SLC4A5: variants seen among roughly 807,000 people sequenced by gnomAD.
The protein encoded by SLC4A5 is electrogenic sodium bicarbonate cotransporter 4.
Under a neutral mutation model 120.4 loss-of-function variants are expected in SLC4A5, and 96 were observed. The ratio of observed to expected loss-of-function variants is 0.80; its 90% CI spans 0.68 to 0.94. The LOEUF (loss-of-function observed/expected upper bound fraction) is 0.94. Ranked by LOEUF, SLC4A5 falls within the 40% of genes least tolerant of loss-of-function variation. The pLI, the probability that SLC4A5 is intolerant of heterozygous loss-of-function variation, is 0.00. For synonymous variants in SLC4A5, 550 were observed against 571.1 expected, an observed-to-expected ratio of 0.96 and a Z score of 0.53; for missense variants, 1,259 against 1,459.5, an observed-to-expected ratio of 0.86 and a Z score of 2.24.
exon 21 of SLC4A5, chr2:74,239,469 C>A: frequency 1.2e-6 from 2 of 1,614,022 alleles, no homozygotes; most frequent in South Asian, 2.2e-5. Flanking sequence ...AGGCGCCCGC[C>A]GTAGCTCAGA....
intron 7 of SLC4A5, among the ~76,000 whole-genome samples, chr2:74,301,699 G>A (rs1180835256): frequency 6.6e-6 from 1 of 152,218 alleles, no homozygotes; most frequent in Non-Finnish European, 1.5e-5. Flanking sequence ...GCAAGAGCAA[G>A]GTTTATATCT....
chr2:74,338,362 C>T (rs1180985266), intron 3 of SLC4A5, among the ~76,000 whole-genome samples: 1 of 152,082 alleles, frequency 6.6e-6, no homozygotes, highest in Admixed American at 6.5e-5. Flanking sequence ...AAATCAGCAC[C>T]ACAATGAAAT....
At chr2:74,301,425 C>T (rs1473874450) in intron 7 of SLC4A5, among the ~76,000 whole-genome samples, 2 of 152,228 alleles carry the variant, frequency 1.3e-5, no homozygotes, top group Non-Finnish European at 2.9e-5. Flanking sequence ...CCAGGCCCCT[C>T]ATACTCTGCA....
chr2:74,293,368 T>G (rs1306177649), intron 7 of SLC4A5, among the ~76,000 whole-genome samples: 1 of 152,144 alleles, frequency 6.6e-6, no homozygotes, highest in Non-Finnish European at 1.5e-5. Context: ...CCTCCTCCCA[T>G]AAGGATGACC....
At chr2:74,291,212 C>A (rs1306737300) in intron 7 of SLC4A5, among the ~76,000 whole-genome samples, 1 of 152,208 alleles carries the variant, frequency 6.6e-6, no homozygotes, top group Non-Finnish European at 1.5e-5. Context: ...TTCTGAGAGC[C>A]CACGGACAGT....
chr2:74,235,258 C>G (rs1187009871), intron 21 of SLC4A5, 44 bp from the exon 22 acceptor site: 1 of 1,483,598 alleles, frequency 6.7e-7, no homozygotes, highest in African/African-American at 1.4e-5. Flanking sequence ...AGTAAAGCAC[C>G]CACCCAGCTC....
In SLC4A5 at chr2:74,227,056, C is replaced by G. The variant is rs754177091; in HGVS notation, c.2991G>C (p.Pro997=). The G allele has an allele frequency of 1.9e-6, 3 of 1,614,132 alleles. No individual in the cohort carries two copies. The Admixed American group carries it at 5.0e-5, about 27-fold the overall frequency. The change falls in exon 27 of 31, where the codon CCG becomes CCC. Residue 997 remains proline, a synonymous_variant. Transcript: ENST00000394019. ...GGGTGAAGAGGTGGATCCGGCGCAG[C>G]GGCACGTGCCGCAGGAAGGCATGGT...
At chr2:74,228,749 TC>T (rs1694945273) in intron 25 of SLC4A5, among the ~76,000 whole-genome samples, 1 of 143,692 alleles carries the variant, frequency 7.0e-6, no homozygotes, top group Non-Finnish European at 1.5e-5. Context: ...TGTAAACTAA[TC>T]AGCACTCATC....
intron 6 of SLC4A5, among the ~76,000 whole-genome samples, chr2:74,313,904 G>A (rs949553821): frequency 3.3e-5 from 5 of 152,144 alleles, no homozygotes; most frequent in Non-Finnish European, 4.4e-5. Context: ...GCTGCCCTAG[G>A]TGCTCCCTGG....
intron 6 of SLC4A5, chr2:74,307,146 G>A (rs778358392): frequency 5.4e-6 from 3 of 558,844 alleles, no homozygotes; most frequent in Non-Finnish European, 1.0e-5. Context: ...CATCTCAGCA[G>A]CTCCAACCTT....
chr2:74,325,742 C>G (rs1673201212), intron 5 of SLC4A5, among the ~76,000 whole-genome samples: 1 of 151,712 alleles, frequency 6.6e-6, no homozygotes, highest in Admixed American at 6.6e-5. Flanking sequence ...TAAATGAAGA[C>G]TAAGAGTTAA....
chr2:74,290,718 G>A lies in SLC4A5; in HGVS notation c.272-4816C>T, dbSNP rs1421411420. The A allele has an allele frequency of 3.0e-6, 3 of 985,302 alleles. No homozygotes were observed. In the East Asian group the frequency reaches 3.4e-4, roughly 112 times the overall value. 61.0% of individuals were successfully genotyped at this position (985,302 alleles called of 1,614,324 possible). On this transcript the variant is annotated intron_variant, in intron 7 of 30. Transcript: ENST00000394019. Reference sequence around the variant, plus strand: ...TCTCAGGTGCACTAGAGAGAGAAAGGCTCAGTGGCTGCAGCAGAACCTCAA... The same window carrying A: ...TCTCAGGTGCACTAGAGAGAGAAAGACTCAGTGGCTGCAGCAGAACCTCAA...
At chr2:74,251,538 C>T (rs952439360) in intron 16 of SLC4A5, among the ~76,000 whole-genome samples, 2 of 152,088 alleles carry the variant, frequency 1.3e-5, no homozygotes, top group Admixed American at 1.3e-4. Flanking sequence ...AGTTGTGTCC[C>T]CCCAAAAGAT....
intron 6 of SLC4A5, among the ~76,000 whole-genome samples, chr2:74,309,080 ATT>A (rs112753220): frequency 6.9e-6 from 1 of 144,320 alleles, no homozygotes. Flanking sequence ...ACACCCAGCT[ATT>A]TTTTTTTTTT....
At chr2:74,228,030 G>GTT (rs1694912436) in intron 25 of SLC4A5, 152 bp from the exon 26 acceptor site, 1 of 603,878 alleles carries the variant, frequency 1.7e-6, no homozygotes, top group Non-Finnish European at 2.9e-6. Context: ...TGTGGGCAGG[G>GTT]GTGAAGATGA....
chr2:74,256,861 G>A (rs1349703642), intron 12 of SLC4A5, among the ~76,000 whole-genome samples: 3 of 152,196 alleles, frequency 2.0e-5, no homozygotes, highest in Admixed American at 2.0e-4. Context: ...GGGAGCAGTT[G>A]GGGTAGCGGC....
In SLC4A5 at chr2:74,285,915, GGCA is replaced by G; in HGVS notation, c.272-16_272-14del. ...GCAGCTGGGGACCCTGCAAAAGAGG[GGCA>G]GCAGGTCTGCTGAGTGTCCCATGGA... is the stretch of plus-strand genomic sequence containing the variant. On this transcript the variant is annotated splice_polypyrimidine_tract_variant and intron_variant, in intron 7 of 30. Transcript: ENST00000394019. The G allele has an allele frequency of 1.9e-6, 3 of 1,581,930 alleles. No homozygotes were observed. Among genetic ancestry groups the G allele is most frequent in the Non-Finnish European group, 2.6e-6 (3 of 1,163,616 alleles).
chr2:74,250,450 C>T, exon 17 of SLC4A5: 1 of 1,614,206 alleles, frequency 6.2e-7, no homozygotes, highest in Non-Finnish European at 8.5e-7. Flanking sequence ...ATGTGGAAGC[C>T]ATCATAGAAG....
At chr2:74,282,366 G>A (rs1275104743) in intron 8 of SLC4A5, among the ~76,000 whole-genome samples, 2 of 152,230 alleles carry the variant, frequency 1.3e-5, no homozygotes. Context: ...TCCTCTTTGG[G>A]ATCTGCCTAG....
Sources: gnomAD v4.1 joint callset for allele counts (sites outside exome capture counted in the v4.1 genomes callset) on GRCh38, gnomAD v4.1.1 for gene constraint, MANE v1.5 for transcripts, NCBI Gene and HGNC (gene_info 2026-07-23, HGNC 2026-07-21) for gene names.